ADAMTS2: variants seen among roughly 807,000 people sequenced by gnomAD.
ADAMTS2 encodes the protein ADAM metallopeptidase with thrombospondin type 1 motif 2.
Under a neutral mutation model 123.0 loss-of-function variants are expected in ADAMTS2, and 50 were observed. That is an observed-to-expected ratio of 0.41 (90% CI 0.32 to 0.51). The LOEUF is 0.51. ADAMTS2 is among the 20% of genes least tolerant of loss of function. The pLI, the probability that ADAMTS2 is intolerant of heterozygous loss-of-function variation, is 0.35. For missense variants in ADAMTS2, 1,494 were observed against 1,705.2 expected, an observed-to-expected ratio of 0.88 and a Z score of 2.18; for synonymous variants, 678 against 695.4, an observed-to-expected ratio of 0.98 and a Z score of 0.39.
intron 3 of ADAMTS2, among the ~76,000 whole-genome samples, chr5:179,270,926 C>T (rs945561863): frequency 2.6e-5 from 4 of 152,200 alleles, no homozygotes; most frequent in African/African-American, 7.2e-5. Flanking sequence ...CCCACGCTCA[C>T]ATCCACAGCC....
At chr5:179,154,772 AG>A in intron 7 of ADAMTS2, 41 bp downstream of exon 7, 1 of 1,510,998 alleles carries the variant, frequency 6.6e-7, no homozygotes, top group South Asian at 1.2e-5. Context: ...TGGGGATCCT[AG>A]GGTGGCCCCT....
intron 4 of ADAMTS2, among the ~76,000 whole-genome samples, chr5:179,193,337 G>A (rs562528070): frequency 1.3e-5 from 2 of 152,184 alleles, no homozygotes; most frequent in East Asian, 1.9e-4. Context: ...CCCCGCGTGC[G>A]ATATCTTTCC....
chr5:179,329,156 T>C (rs940613252), intron 2 of ADAMTS2, among the ~76,000 whole-genome samples: 12 of 151,646 alleles, frequency 7.9e-5, no homozygotes, highest in Non-Finnish European at 1.2e-4. Flanking sequence ...TGAAACCCCG[T>C]CTCTACTAAA....
intron 13 of ADAMTS2, among the ~76,000 whole-genome samples, chr5:179,134,723 C>T (rs1689965238): frequency 6.7e-6 from 1 of 149,408 alleles, no homozygotes; most frequent in African/African-American, 2.4e-5. Flanking sequence ...GAGCACCCTC[C>T]CGGCTCCAGC....
In ADAMTS2 at chr5:179,125,071, C is replaced by T. The variant is rs368363548; in HGVS notation, c.2860G>A (p.Val954Met). Residue 954 changes from valine to methionine, a missense_variant, in exon 19 of 22, where the codon GTG becomes ATG. This residue lies in a region of ADAMTS2 where 953 missense variants were observed against 1,124.7 expected (regional missense o/e 0.85). Transcript: ENST00000251582. ...GCGTCATTGCAGTGCTTGGCGTGCA[C>T]GGAGCGGGTGGTGTTGTCGTGTAGC... ...QPLHDNTTRS[V>M]HAKHCNDARP... The T allele has an allele frequency of 6.0e-5, 96 of 1,610,952 alleles. 1 individual carries two copies. In the Middle Eastern group the frequency reaches 4.3e-3, roughly 72 times the overall value.
Position 179,256,346 on chromosome 5 carries a change from C to CCTGAGGCCTCAG in ADAMTS2, c.688+16553_688+16564dup, listed in dbSNP as rs1364124036. Reference sequence around the variant, plus strand: ...GTCAGGCCTGCCATGGAGCTTTGGGCCTGAGGCCTCAGCTGAGGCCAAGGC... The same window carrying CCTGAGGCCTCAG: ...GTCAGGCCTGCCATGGAGCTTTGGGCCTGAGGCCTCAGCTGAGGCCTCAGCTGAGGCCAAGGC... On this transcript the variant is annotated intron_variant, in intron 3 of 21. Coordinates refer to ENST00000251582, the MANE Select transcript of ADAMTS2 (RefSeq NM_014244.5). This position sits in a 1 kb window ranked among gnomAD's most constrained non-coding sequence, Gnocchi z 4.1. Among the ~76,000 whole-genome samples the CCTGAGGCCTCAG allele has an allele frequency of 6.6e-6, 1 of 152,112 alleles. No individual in the cohort carries two copies. The highest frequency in any genetic ancestry group is 2.4e-5 in the African/African-American group (1 of 41,392).
chr5:179,270,106 G>A lies in ADAMTS2; in HGVS notation c.688+2805C>T, dbSNP rs181476991. On this transcript the variant is annotated intron_variant, in intron 3 of 21. Transcript: ENST00000251582. ...CCTGTCTGTGAAATGCTTTAAAACC[G>A]TCATTTTCTATCCGTTTCCCCCAGG... 2.0e-4 allele frequency among the ~76,000 whole-genome samples: 30 copies of A among 152,258 alleles called. No individual in the cohort carries two copies. In the East Asian group the frequency reaches 5.2e-3, roughly 27 times the overall value.
chr5:179,249,338 A>G (rs1436554685), intron 3 of ADAMTS2, among the ~76,000 whole-genome samples: 3 of 152,092 alleles, frequency 2.0e-5, no homozygotes, highest in Non-Finnish European at 4.4e-5. Context: ...TTTACACATG[A>G]AGGAACCAGA....
intron 9 of ADAMTS2, 45 bp from the exon 10 acceptor site, chr5:179,152,300 G>A (rs767746536): frequency 1.3e-6 from 2 of 1,589,144 alleles, no homozygotes; most frequent in African/African-American, 1.3e-5. Flanking sequence ...CCACCTCAGG[G>A]ACCTCCCAGG....
intron 4 of ADAMTS2, among the ~76,000 whole-genome samples, chr5:179,200,004 A>C (rs534613103): frequency 2.6e-5 from 4 of 152,312 alleles, no homozygotes; most frequent in African/African-American, 9.6e-5. Context: ...GAAGAAAGGA[A>C]GTGGCTTAAT....
intron 4 of ADAMTS2, among the ~76,000 whole-genome samples, chr5:179,184,338 C>G (rs746613038): frequency 1.3e-5 from 2 of 151,952 alleles, no homozygotes; most frequent in African/African-American, 4.8e-5. Context: ...ACGGTGAAAC[C>G]CTCTCTCTAC....
At chr5:179,259,437 A>G (rs340125) in intron 3 of ADAMTS2, among the ~76,000 whole-genome samples, 113,810 of 152,116 alleles carry the variant, frequency 0.75, 43,778 homozygotes, top group East Asian at 0.99. Context: ...GTGCCGGGTA[A>G]AGATCTGTTG....
Position 179,153,627 on chromosome 5 carries a change from TG to T in ADAMTS2, c.1383-5del. 1 of 1,601,660 alleles carries T rather than the reference TG, an allele frequency of 6.2e-7. No homozygotes were observed. On this transcript the variant is annotated splice_polypyrimidine_tract_variant and splice_region_variant and intron_variant, in intron 8 of 21. Transcript: ENST00000251582. ...ATCCAGCAGGCAGTCATAGGAGCTG[TG>T]GGGGACACACGGTGCCGCGAGCAGC...
intron 2 of ADAMTS2, among the ~76,000 whole-genome samples, chr5:179,310,968 G>C (rs936166060): frequency 1.8e-4 from 27 of 152,088 alleles, no homozygotes; most frequent in Non-Finnish European, 3.8e-4. Flanking sequence ...TGCCGGCTGG[G>C]TCCTCTGGAC....
chr5:179,235,101 A>G (rs1313886381), intron 3 of ADAMTS2, among the ~76,000 whole-genome samples: 1 of 152,212 alleles, frequency 6.6e-6, no homozygotes, highest in Non-Finnish European at 1.5e-5. Context: ...CCAGCTCGTT[A>G]GGCCCGCAAA....
rs769079273 is a variant in ADAMTS2, at chr5:179,129,883, C to A, written c.2457+49G>T. On this transcript the variant is annotated intron_variant, in intron 16 of 21. Coordinates refer to ENST00000251582, the MANE Select transcript of ADAMTS2 (RefSeq NM_014244.5). The surrounding 1 kb of genome is among the most constrained non-coding windows in gnomAD (Gnocchi z 4.1). ...CGTCCCAGGCACCCCCATCCCTCCC[C>A]CAGTGGCCACCCGCACCCTTCCCTG... 1.2e-6 allele frequency: 2 copies of A among 1,609,796 alleles called. No homozygotes were observed. The highest frequency in any genetic ancestry group is 1.1e-5 in the South Asian group (1 of 90,968).
Position 179,287,588 on chromosome 5 carries a change from G to A in ADAMTS2, c.535-14524C>T, listed in dbSNP as rs536381146. On this transcript the variant is annotated intron_variant, in intron 2 of 21. Coordinates refer to ENST00000251582, the MANE Select transcript of ADAMTS2 (RefSeq NM_014244.5). Reference sequence around the variant, plus strand: ...TGGGCGATCCCAAGGCTGAGTCTACGCAGCTGTTGGAAGACGGGGTATGCA... The same window carrying A: ...TGGGCGATCCCAAGGCTGAGTCTACACAGCTGTTGGAAGACGGGGTATGCA... Among the ~76,000 whole-genome samples, 14 of 144,866 alleles carry A rather than the reference G, an allele frequency of 9.7e-5. No individual in the cohort carries two copies. In the South Asian group the frequency reaches 2.0e-3, roughly 20 times the overall value.
chr5:179,343,799 A>T lies in ADAMTS2; in HGVS notation c.502T>A (p.Ser168Thr). ...VGDVAGLAEA[S>T]SVALSNCDGL... The stretch of plus-strand genomic sequence containing the variant: ...TCGCAGTTGCTGAGCGCCACAGAGG[A>T]GGCTTCGGCTAGGCCGGCCACGTCT... Residue 168 changes from serine to threonine, a missense_variant, in exon 2 of 22, where the codon TCC (serine) becomes ACC (threonine). This residue lies in a region of ADAMTS2 where 237 missense variants were observed against 233.7 expected (regional missense o/e 1.01). Coordinates refer to ENST00000251582, the MANE Select transcript of ADAMTS2 (RefSeq NM_014244.5). The T allele has an allele frequency of 6.2e-7, 1 of 1,611,722 alleles. No homozygotes were observed. The highest frequency in any genetic ancestry group is 8.5e-7 in the Non-Finnish European group (1 of 1,179,676).
chr5:179,342,225 T>C (rs573239582), intron 2 of ADAMTS2, among the ~76,000 whole-genome samples: 2 of 152,308 alleles, frequency 1.3e-5, no homozygotes, highest in African/African-American at 2.4e-5. Context: ...TACACAGGTG[T>C]TGGCCCACCA....
Sources: allele counts gnomAD v4.1 joint callset (sites outside exome capture counted in the v4.1 genomes callset), GRCh38; gene constraint gnomAD v4.1.1; regional missense constraint gnomAD v4.1.1; non-coding constraint Gnocchi (gnomAD v3.1); transcripts MANE v1.5; gene names NCBI Gene and HGNC (gene_info 2026-07-23, HGNC 2026-07-21).